Variants in FANCC observed in about 807,000 individuals in gnomAD.
FANCC encodes the protein FA complementation group C, also known as Fanconi anemia group C protein.
Under a neutral mutation model 71.3 loss-of-function variants are expected in FANCC, and 55 were observed. That is an observed-to-expected ratio of 0.77 (90% CI 0.62 to 0.97). The LOEUF (loss-of-function observed/expected upper bound fraction) is 0.97. Ranked by LOEUF, FANCC falls within the 50% of genes least tolerant of loss-of-function variation. The probability of loss-of-function intolerance (pLI) is 0.00; values close to 1 mark genes in which losing one functional copy is unlikely to be tolerated. For synonymous variants in FANCC, 275 were observed against 244.9 expected, an observed-to-expected ratio of 1.12 and a Z score of -1.15; for missense variants, 678 against 670.9, an observed-to-expected ratio of 1.01 and a Z score of -0.12.
intron 1 of FANCC, chr9:95,294,787 CCA>C (rs780740934): frequency 8.3e-6 from 13 of 1,561,146 alleles, no homozygotes; most frequent in South Asian, 1.3e-5. Context: ...TTCTGCGGAA[CCA>C]CACACAGTCT....
At chr9:95,239,648 T>A (rs1188903573) in intron 4 of FANCC, among the ~76,000 whole-genome samples, 1 of 152,262 alleles carries the variant, frequency 6.6e-6, no homozygotes, top group African/African-American at 2.4e-5. Context: ...CTTTCTTCAG[T>A]TCCTTACATT....
At chr9:95,247,210 C>T (rs1320801871) in intron 3 of FANCC, among the ~76,000 whole-genome samples, 1 of 123,554 alleles carries the variant, frequency 8.1e-6, no homozygotes, top group Non-Finnish European at 1.7e-5. Context: ...GGTGCGTGCA[C>T]GCGTGTGTGT....
intron 4 of FANCC, among the ~76,000 whole-genome samples, chr9:95,233,046 A>AGGGG (rs1168758803): frequency 2.6e-5 from 4 of 152,192 alleles, no homozygotes; most frequent in Non-Finnish European, 5.9e-5. Context: ...GACCCACTCC[A>AGGGG]GGAGCCACAT....
At chr9:95,174,542 T>TA (rs111571314) in intron 4 of FANCC, among the ~76,000 whole-genome samples, 100 of 151,088 alleles carry the variant, frequency 6.6e-4, no homozygotes, top group South Asian at 1.1e-3. Flanking sequence ...TATATATATA[T>TA]TTTTTTTCTT....
chr9:95,277,286 T>C (rs1393828680), intron 1 of FANCC, among the ~76,000 whole-genome samples: 1 of 152,224 alleles, frequency 6.6e-6, no homozygotes, highest in African/African-American at 2.4e-5. Flanking sequence ...CGCTGGGTAG[T>C]GAGCTGCACC....
At chr9:95,310,798 C>T (rs1216397083) in intron 1 of FANCC, among the ~76,000 whole-genome samples, 1 of 152,106 alleles carries the variant, frequency 6.6e-6, no homozygotes, top group African/African-American at 2.4e-5. Flanking sequence ...ACTCAACAAA[C>T]ATCAATGCAG....
At chr9:95,164,646 T>C (rs749075735) in intron 6 of FANCC, among the ~76,000 whole-genome samples, 1 of 149,602 alleles carries the variant, frequency 6.7e-6, no homozygotes, top group African/African-American at 2.6e-5. Context: ...GGAATAATTT[T>C]CATTCAGTCA....
At chr9:95,110,557 C>T (rs2071835600) in intron 13 of FANCC, 3 of 1,032,292 alleles carry the variant, frequency 2.9e-6, no homozygotes, top group Admixed American at 5.7e-5. Flanking sequence ...TAAATTATCA[C>T]CAAATTTCAA....
intron 6 of FANCC, among the ~76,000 whole-genome samples, chr9:95,158,477 G>C (rs1830566178): frequency 6.6e-6 from 1 of 152,060 alleles, no homozygotes; most frequent in Non-Finnish European, 1.5e-5. Flanking sequence ...TATTTGAGGA[G>C]AAAAGACAAA....
chr9:95,177,762 G>A (rs1001217630), intron 4 of FANCC, among the ~76,000 whole-genome samples: 8 of 152,066 alleles, frequency 5.3e-5, no homozygotes, highest in African/African-American at 1.9e-4. Context: ...TCACTGTTGT[G>A]CTGGTGTGAA....
intron 4 of FANCC, among the ~76,000 whole-genome samples, chr9:95,229,037 C>T (rs1308862634): frequency 6.6e-6 from 1 of 152,118 alleles, no homozygotes; most frequent in Non-Finnish European, 1.5e-5. Context: ...ATGGCTCACA[C>T]CTGTAATCCC....
intron 4 of FANCC, among the ~76,000 whole-genome samples, chr9:95,210,067 C>A (rs4647460): frequency 6.6e-6 from 1 of 152,034 alleles, no homozygotes; most frequent in Admixed American, 6.6e-5. Flanking sequence ...AAAAAATACA[C>A]CATCAAGCAA....
At chr9:95,296,217 T>C (rs756787337) in intron 1 of FANCC, among the ~76,000 whole-genome samples, 9 of 152,182 alleles carry the variant, frequency 5.9e-5, no homozygotes, top group Non-Finnish European at 8.8e-5. Context: ...CTGCACAATA[T>C]ATTAAAACCT....
At chr9:95,171,212 G>C in intron 5 of FANCC, 69 bp from the exon 6 acceptor site, 3 of 1,202,162 alleles carry the variant, frequency 2.5e-6, no homozygotes, top group Non-Finnish European at 3.7e-6. Context: ...TATTTTTCTT[G>C]GTGTGAGTGA....
At chr9:95,157,876 CAG>C (rs1830533104) in intron 6 of FANCC, among the ~76,000 whole-genome samples, 1 of 152,164 alleles carries the variant, frequency 6.6e-6, no homozygotes, top group African/African-American at 2.4e-5. Context: ...CCAGCCTAAA[CAG>C]AAGATATAAT....
intron 1 of FANCC, among the ~76,000 whole-genome samples, chr9:95,274,297 A>G (rs1310524213): frequency 1.3e-5 from 2 of 152,106 alleles, no homozygotes; most frequent in Non-Finnish European, 2.9e-5. Context: ...TTCCTGTATT[A>G]GTTTGCTGAG....
At chr9:95,169,886 G>T (rs1379901756) in intron 6 of FANCC, among the ~76,000 whole-genome samples, 1 of 152,166 alleles carries the variant, frequency 6.6e-6, no homozygotes, top group Non-Finnish European at 1.5e-5. Flanking sequence ...TTCTAGTAAT[G>T]ACCTGCTTAT....
intron 7 of FANCC, among the ~76,000 whole-genome samples, chr9:95,139,450 G>A (rs113470062): frequency 7.9e-5 from 12 of 152,240 alleles, no homozygotes; most frequent in Middle Eastern, 6.8e-3. Flanking sequence ...AGAAACATCA[G>A]TTTGAGGATA....
At chr9:95,222,797 T>C (rs1295162765) in intron 4 of FANCC, among the ~76,000 whole-genome samples, 1 of 152,216 alleles carries the variant, frequency 6.6e-6, no homozygotes, top group Non-Finnish European at 1.5e-5. Flanking sequence ...TGTGTTTCCT[T>C]CCAATTTCAG....
Sources: gnomAD v4.1 joint callset for allele counts (sites outside exome capture counted in the v4.1 genomes callset) on GRCh38, gnomAD v4.1.1 for gene constraint, MANE v1.5 for transcripts, NCBI Gene and HGNC (gene_info 2026-07-23, HGNC 2026-07-21) for gene names.